The following ATXN1 variants were observed in gnomAD, a reference collection of about 807,000 sequenced individuals.
The protein encoded by ATXN1 is ataxin 1, also known as ataxin-1.
In ATXN1, 8 loss-of-function variants were observed where a neutral mutation model predicts 56.4. The ratio of observed to expected loss-of-function variants is 0.14; its 90% CI spans 0.08 to 0.26. ATXN1 has a LOEUF of 0.26. Among genes scored for constraint, ATXN1 ranks in the 10% least tolerant of loss-of-function variants. The pLI is 1.00. For missense variants in ATXN1, 987 were observed against 1,106.5 expected (o/e 0.89, Z 1.53); for synonymous variants, 514 against 494.6 (o/e 1.04, Z -0.52).
chr6:16,468,422 A>T (rs1321532199), intron 6 of ATXN1, among the ~76,000 whole-genome samples: 1 of 152,100 alleles, frequency 6.6e-6, no homozygotes, highest in Non-Finnish European at 1.5e-5. Context: ...ATTTCCTGAC[A>T]TCGTGATCTG....
At chr6:16,567,079 T>C (rs903520400) in intron 4 of ATXN1, among the ~76,000 whole-genome samples, 1 of 152,208 alleles carries the variant, frequency 6.6e-6, no homozygotes, top group Non-Finnish European at 1.5e-5. Flanking sequence ...GTAGCCTTCC[T>C]TGTATTAAAT....
At chr6:16,402,439 C>T (rs1758596601) in intron 6 of ATXN1, among the ~76,000 whole-genome samples, 1 of 32,530 alleles carries the variant, frequency 3.1e-5, no homozygotes, top group South Asian at 1.4e-3. Flanking sequence ...TTTTCTAATT[C>T]GTTTTTAAAA....
chr6:16,593,368 A>G (rs1310120019), intron 3 of ATXN1, among the ~76,000 whole-genome samples: 1 of 152,230 alleles, frequency 6.6e-6, no homozygotes, highest in Non-Finnish European at 1.5e-5. Flanking sequence ...ATAGAGATGG[A>G]AAAAACAAGC....
At chr6:16,665,769 G>A (rs1365606407) in intron 2 of ATXN1, among the ~76,000 whole-genome samples, 1 of 152,220 alleles carries the variant, frequency 6.6e-6, no homozygotes, top group African/African-American at 2.4e-5. Context: ...GCACCAGAGG[G>A]AAGAGTTATC....
chr6:16,672,114 T>C, intron 2 of ATXN1, among the ~76,000 whole-genome samples: 1 of 152,178 alleles, frequency 6.6e-6, no homozygotes, highest in East Asian at 1.9e-4. Flanking sequence ...ATCTGAATTT[T>C]CAACAGGACT....
At chr6:16,394,917 G>C (rs1758421665) in intron 6 of ATXN1, among the ~76,000 whole-genome samples, 1 of 152,192 alleles carries the variant, frequency 6.6e-6, no homozygotes, top group Non-Finnish European at 1.5e-5. Flanking sequence ...ACAGTAGCAT[G>C]TTGGAGCCAG....
At chr6:16,334,438 T>C (rs1019068412) in intron 6 of ATXN1, among the ~76,000 whole-genome samples, 5 of 151,750 alleles carry the variant, frequency 3.3e-5, no homozygotes, top group African/African-American at 7.3e-5. Flanking sequence ...TAACCTTCAT[T>C]AAAAAAAATA....
intron 4 of ATXN1, among the ~76,000 whole-genome samples, chr6:16,543,632 TAAA>T (rs566914364): frequency 2.8e-5 from 3 of 106,400 alleles, no homozygotes; most frequent in East Asian, 2.7e-4. Context: ...GCTATTTTCC[TAAA>T]AAAAAAAAAA....
At chr6:16,514,622 G>A (rs1160781675) in intron 5 of ATXN1, among the ~76,000 whole-genome samples, 3 of 152,144 alleles carry the variant, frequency 2.0e-5, no homozygotes, top group Non-Finnish European at 4.4e-5. Context: ...GGGAGGTGGG[G>A]TTAAGGCAAC....
chr6:16,386,493 C>T (rs1758242945), intron 6 of ATXN1, among the ~76,000 whole-genome samples: 1 of 152,186 alleles, frequency 6.6e-6, no homozygotes, highest in Admixed American at 6.5e-5. Flanking sequence ...AACACTTTTA[C>T]ATGAAAGAAA....
intron 6 of ATXN1, among the ~76,000 whole-genome samples, chr6:16,401,539 AG>A (rs1341156011): frequency 6.6e-6 from 1 of 152,224 alleles, no homozygotes; most frequent in Non-Finnish European, 1.5e-5. Flanking sequence ...AGCTGTGGCT[AG>A]GACTTTTAGT....
rs138770220 is a variant in ATXN1, at chr6:16,747,209, C to T, written c.-615+6024G>A. Among the ~76,000 whole-genome samples the T allele has an allele frequency of 8.1e-4, 123 of 152,246 alleles. 1 individual carries two copies. The highest frequency in any genetic ancestry group is 2.6e-3 in the African/African-American group (108 of 41,530). On this transcript the variant is annotated intron_variant, in intron 2 of 7. Coordinates refer to ENST00000436367, the MANE Select transcript of ATXN1 (RefSeq NM_001128164.2). ...TTTTGATTTCTTTTGGAAAACTGCACGCTGCTCGGTGTTTAATCTGGTATT... is the reference window on the plus strand; with the variant it reads ...TTTTGATTTCTTTTGGAAAACTGCATGCTGCTCGGTGTTTAATCTGGTATT...
intron 6 of ATXN1, among the ~76,000 whole-genome samples, chr6:16,459,688 A>G (rs2113624435): frequency 6.6e-6 from 1 of 152,286 alleles, no homozygotes; most frequent in African/African-American, 2.4e-5. Flanking sequence ...ACAGACCACA[A>G]AACCCAACTT....
intron 6 of ATXN1, among the ~76,000 whole-genome samples, chr6:16,355,579 T>C (rs1014898001): frequency 3.3e-5 from 5 of 150,484 alleles, no homozygotes; most frequent in African/African-American, 1.2e-4. Context: ...TTTTCTTTTT[T>C]GAGACGGAGT....
chr6:16,759,015 C>T (rs1026381069), intron 1 of ATXN1, among the ~76,000 whole-genome samples: 2 of 152,196 alleles, frequency 1.3e-5, no homozygotes, highest in African/African-American at 4.8e-5. Context: ...ACTACCTTTA[C>T]CCATCAAATA....
At chr6:16,484,915 G>T (rs941001717) in intron 6 of ATXN1, among the ~76,000 whole-genome samples, 2 of 148,484 alleles carry the variant, frequency 1.3e-5, no homozygotes, top group African/African-American at 5.0e-5. Context: ...AAGTTTTCTG[G>T]CTGAGTTAAG....
chr6:16,407,941 A>G (rs1249223561), intron 6 of ATXN1, among the ~76,000 whole-genome samples: 2 of 152,120 alleles, frequency 1.3e-5, no homozygotes, highest in African/African-American at 4.8e-5. Context: ...TAATTCTTCA[A>G]CCTTCTTAGC....
At chr6:16,690,353 G>C (rs1759020138) in intron 2 of ATXN1, among the ~76,000 whole-genome samples, 2 of 151,800 alleles carry the variant, frequency 1.3e-5, no homozygotes, top group African/African-American at 4.8e-5. Flanking sequence ...ACTTGGCCCA[G>C]TGCTGTTATT....
intron 5 of ATXN1, among the ~76,000 whole-genome samples, chr6:16,505,103 G>A (rs1027315700): frequency 6.6e-6 from 1 of 151,498 alleles, no homozygotes; most frequent in Non-Finnish European, 1.5e-5. Flanking sequence ...GAGGAACGTA[G>A]GCCACTGAGT....
Sources: gnomAD v4.1 joint callset for allele counts (sites outside exome capture counted in the v4.1 genomes callset) on GRCh38, gnomAD v4.1.1 for gene constraint, MANE v1.5 for transcripts, NCBI Gene and HGNC (gene_info 2026-07-23, HGNC 2026-07-21) for gene names.